Variants in IK observed in about 807,000 individuals in gnomAD.
IK encodes IK cytokine, also known as protein Red.
IK carries 47 observed loss-of-function variants against 90.9 expected under a neutral mutation model. The ratio of observed to expected loss-of-function variants is 0.52; its 90% CI spans 0.41 to 0.66. The LOEUF is 0.66. Among genes scored for constraint, IK ranks in the 30% least tolerant of loss-of-function variants. IK has a pLI of 0.00. For synonymous variants in IK, 201 were observed against 227.5 expected, an observed-to-expected ratio of 0.88 and a Z score of 1.05; for missense variants, 385 against 709.3, an observed-to-expected ratio of 0.54 and a Z score of 5.19.
chr5:140,662,365 T>C lies in IK; in HGVS notation c.*36T>C. Reference sequence around the variant, plus strand: ...CAACCAGAGATGCTCCACAAGGATATGCTCCCCACTGTTTTCTTTCTACAA... The same window carrying C: ...CAACCAGAGATGCTCCACAAGGATACGCTCCCCACTGTTTTCTTTCTACAA... On this transcript the variant is annotated 3_prime_UTR_variant, in exon 20 of 20. Coordinates refer to ENST00000417647, the MANE Select transcript of IK (RefSeq NM_006083.4). The C allele has an allele frequency of 1.2e-6, 2 of 1,607,276 alleles. No individual in the cohort carries two copies. The highest frequency in any genetic ancestry group is 2.2e-5 in the East Asian group (1 of 44,842).
intron 2 of IK, among the ~76,000 whole-genome samples, chr5:140,649,526 C>T (rs550690854): frequency 1.3e-5 from 2 of 150,746 alleles, no homozygotes; most frequent in Non-Finnish European, 3.0e-5. Context: ...CAGTCCTTTT[C>T]TTAGAAGTAA....
intron 9 of IK, 144 bp from the exon 10 acceptor site, chr5:140,657,410 C>T: frequency 5.2e-6 from 3 of 576,918 alleles, no homozygotes; most frequent in Non-Finnish European, 9.3e-6. Flanking sequence ...TGTTTTATCT[C>T]TGGAATATCC....
rs1757757672 is a variant in IK at position 140,659,052 on chromosome 5, A to T, written c.1064A>T (p.Asp355Val). 1.2e-6 allele frequency: 2 copies of T among 1,611,848 alleles called. No individual in the cohort carries two copies. Among genetic ancestry groups the T allele is most frequent in the Non-Finnish European group, 8.5e-7 (1 of 1,177,912 alleles). ...ERDRERDRDR[D>V]RERERERDRE... ...GATCGGGAAAGAGACAGAGACCGTG[A>T]CCGAGAGCGAGAGCGAGAACGAGAT... The change falls in exon 12 of 20, where the codon GAC becomes GTC. Residue 355 changes from aspartate to valine, a missense_variant. Around this residue, in one of 8 missense-constraint regions of IK, gnomAD observed 139 missense variants for 172.0 expected, o/e 0.81. Transcript: ENST00000417647.
In IK at chr5:140,661,232, CTG is replaced by C; in HGVS notation, c.1414-384_1414-383del. ...CTAATGCCACTAATAGTGAAGAAGT[CTG>C]TGTTCTTCCCCTGAGTTCACTGTAT... On this transcript the variant is annotated intron_variant, in intron 16 of 19. Coordinates refer to ENST00000417647, the MANE Select transcript of IK (RefSeq NM_006083.4). This position sits in a 1 kb window ranked among gnomAD's most constrained non-coding sequence, Gnocchi z 4.2. 3 of 249,968 alleles carry C rather than the reference CTG, an allele frequency of 1.2e-5. No individual in the cohort carries two copies. Among genetic ancestry groups the C allele is most frequent in the Non-Finnish European group, 7.6e-6 (1 of 131,584 alleles). 15.5% of individuals were successfully genotyped at this position (249,968 alleles called of 1,614,324 possible). A position where few individuals can be genotyped will look rare whatever the true frequency, so the allele number is the denominator to read the frequency against.
intron 18 of IK, 28 bp downstream of exon 18, chr5:140,662,035 G>T (rs1288765470): frequency 3.2e-6 from 5 of 1,578,906 alleles, no homozygotes; most frequent in African/African-American, 1.3e-5. Context: ...TTGGGTGGGA[G>T]GGTTTCAGCT....
Position 140,661,753 on chromosome 5 carries a change from G to A in IK, c.1502+45G>A. The A allele has an allele frequency of 6.7e-7, 1 of 1,482,206 alleles. No homozygotes were observed. Among genetic ancestry groups the A allele is most frequent in the Non-Finnish European group, 9.3e-7 (1 of 1,075,826 alleles). 91.8% of individuals were successfully genotyped at this position (1,482,206 alleles called of 1,614,324 possible). A position where few individuals can be genotyped will look rare whatever the true frequency, so the allele number is the denominator to read the frequency against. ...GGGCAGGGTGTGAGGAGGGGTGTGG[G>A]GATTTGGTGGAATAGTGCATATAAG... On this transcript the variant is annotated intron_variant, in intron 17 of 19. Transcript: ENST00000417647. This position sits in a 1 kb window ranked among gnomAD's most constrained non-coding sequence, Gnocchi z 4.2.
Position 140,661,133 on chromosome 5 carries a change from ATAAC to A in IK, c.1413+322_1413+325del. On this transcript the variant is annotated intron_variant, in intron 16 of 19. Transcript: ENST00000417647. This position sits in a 1 kb window ranked among gnomAD's most constrained non-coding sequence, Gnocchi z 4.2. Reference sequence around the variant, plus strand: ...CAGAAAAAATTGCAGTCTTTGGAAAATAACTAAATTTTATTCTAGCCAGGATTGA... The same window carrying A: ...CAGAAAAAATTGCAGTCTTTGGAAAATAAATTTTATTCTAGCCAGGATTGA... The A allele has an allele frequency of 5.9e-6, 2 of 336,958 alleles. No individual in the cohort carries two copies. Among genetic ancestry groups the A allele is most frequent in the Admixed American group, 9.2e-5 (2 of 21,844 alleles). 20.9% of individuals were successfully genotyped at this position (336,958 alleles called of 1,614,324 possible).
rs1223861848 is a variant in IK at position 140,661,562 on chromosome 5, A to C, written c.1414-58A>C. The C allele has an allele frequency of 2.5e-6, 3 of 1,216,520 alleles. No individual in the cohort carries two copies. The highest frequency in any genetic ancestry group is 2.5e-5 in the East Asian group (1 of 40,034). 75.4% of individuals were successfully genotyped at this position (1,216,520 alleles called of 1,614,324 possible). On this transcript the variant is annotated intron_variant, in intron 16 of 19. Transcript: ENST00000417647. The surrounding 1 kb of genome is among the most constrained non-coding windows in gnomAD (Gnocchi z 4.2). Reference sequence around the variant, plus strand: ...GAGTCTGGCTTCAATCAAGGGCTGAAATTCCATTTCCACTGACATCTCTTC... The same window carrying C: ...GAGTCTGGCTTCAATCAAGGGCTGACATTCCATTTCCACTGACATCTCTTC...
At position 140,661,446 on chromosome 5, in the gene IK, A is replaced by G; in HGVS notation, c.1414-174A>G. The stretch of plus-strand genomic sequence containing the variant: ...GTGAGATATGCATTTAGTGTACAGA[A>G]TAATGCCTGTCACATAGTAAGTATG... On this transcript the variant is annotated intron_variant, in intron 16 of 19. Transcript: ENST00000417647. The surrounding 1 kb of genome is among the most constrained non-coding windows in gnomAD (Gnocchi z 4.2). The G allele has an allele frequency of 1.7e-6, 1 of 604,614 alleles. No individual in the cohort carries two copies. Among genetic ancestry groups the G allele is most frequent in the Non-Finnish European group, 3.0e-6 (1 of 333,114 alleles). 37.5% of individuals were successfully genotyped at this position (604,614 alleles called of 1,614,324 possible).
chr5:140,648,379 T>A, intron 1 of IK, 92 bp from the exon 2 acceptor site: 1 of 1,097,180 alleles, frequency 9.1e-7, no homozygotes, highest in Non-Finnish European at 1.4e-6. Context: ...TTCTAACTTT[T>A]GTTCTGTATT....
At chr5:140,651,681 C>A in intron 2 of IK, 33 bp from the exon 3 acceptor site, 2 of 1,054,798 alleles carry the variant, frequency 1.9e-6, no homozygotes, top group South Asian at 1.3e-5. Context: ...CTTATTGAGT[C>A]CTAATATTTA....
Position 140,660,192 on chromosome 5 carries a change from C to G in IK, c.1352C>G (p.Ala451Gly). The G allele has an allele frequency of 1.9e-6, 3 of 1,610,164 alleles. No individual in the cohort carries two copies. Among genetic ancestry groups the G allele is most frequent in the Non-Finnish European group, 2.5e-6 (3 of 1,176,990 alleles). Residue 451 changes from alanine to glycine, a missense_variant, in exon 15 of 20, where the codon GCC (alanine) becomes GGC (glycine). Ala to Gly is a moderately conservative substitution (Grantham distance 60, BLOSUM62 0). Transcript: ENST00000417647. ...AACAGTTATGCAGAGTGCTACCCAGCCACGTATGTGAAACCTGGTTAAGGA... is the reference window on the plus strand; with the variant it reads ...AACAGTTATGCAGAGTGCTACCCAGGCACGTATGTGAAACCTGGTTAAGGA... Reference protein sequence around the residue: ...MSNSYAECYPATMDDMAVDSD... With the variant: ...MSNSYAECYPGTMDDMAVDSD...
At chr5:140,651,672 T>G (rs748161354) in intron 2 of IK, 42 bp from the exon 3 acceptor site, 1 of 962,748 alleles carries the variant, frequency 1.0e-6, no homozygotes, top group Non-Finnish European at 1.6e-6. Context: ...TTTTCATTTC[T>G]TATTGAGTCC....
At position 140,649,279 on chromosome 5, in the gene IK, G is replaced by A. The variant is rs1424448805; in HGVS notation, c.83+742G>A. Among the ~76,000 whole-genome samples the A allele has an allele frequency of 1.3e-5, 2 of 149,378 alleles. 1 individual carries two copies. Among genetic ancestry groups the A allele is most frequent in the Admixed American group, 1.3e-4 (2 of 14,928 alleles). On this transcript the variant is annotated intron_variant, in intron 2 of 19. Transcript: ENST00000417647. ...GCTGGAGTGCAGTGATGCAATCTTG[G>A]CTCACTGCAACCTCTGCCTCCTGAG...
At chr5:140,660,025 G>T in intron 14 of IK, 90 bp from the exon 15 acceptor site, 1 of 1,160,146 alleles carries the variant, frequency 8.6e-7, no homozygotes, top group Non-Finnish European at 1.3e-6. Context: ...GAATTTTCAT[G>T]TTGGGGCTTC....
Position 140,661,856 on chromosome 5 carries a change from C to G in IK, c.1503-43C>G, listed in dbSNP as rs746316347. Reference sequence around the variant, plus strand: ...GGACTCTGGGAAAACCTCGCCACTGCTATGCAATCTCTGATGCATTCTTTC... The same window carrying G: ...GGACTCTGGGAAAACCTCGCCACTGGTATGCAATCTCTGATGCATTCTTTC... On this transcript the variant is annotated intron_variant, in intron 17 of 19. Transcript: ENST00000417647. This position sits in a 1 kb window ranked among gnomAD's most constrained non-coding sequence, Gnocchi z 4.2. 1 of 1,531,762 alleles carries G rather than the reference C, an allele frequency of 6.5e-7. No homozygotes were observed. The highest frequency in any genetic ancestry group is 8.9e-7 in the Non-Finnish European group (1 of 1,121,486). The allele number at this position is 1,531,762 out of a possible 1,614,324, so 94.9% of individuals were successfully genotyped here.
chr5:140,655,810 G>A lies in IK; in HGVS notation c.638-19G>A. ...TTCTTGTAGATCCTGGCTACTTGCTGCTCTTCTCCTTATTGTAGGCCGCAA... is the reference window on the plus strand; with the variant it reads ...TTCTTGTAGATCCTGGCTACTTGCTACTCTTCTCCTTATTGTAGGCCGCAA... On this transcript the variant is annotated intron_variant, in intron 8 of 19. Coordinates refer to ENST00000417647, the MANE Select transcript of IK (RefSeq NM_006083.4). 6.2e-7 allele frequency: 1 copy of A among 1,606,354 alleles called. No homozygotes were observed. The highest frequency in any genetic ancestry group is 8.5e-7 in the Non-Finnish European group (1 of 1,176,170).
Position 140,661,892 on chromosome 5 carries a change from T to C in IK, c.1503-7T>C. The C allele has an allele frequency of 1.2e-6, 2 of 1,602,342 alleles. No individual in the cohort carries two copies. The highest frequency in any genetic ancestry group is 8.5e-7 in the Non-Finnish European group (1 of 1,174,216). On this transcript the variant is annotated splice_region_variant and splice_polypyrimidine_tract_variant and intron_variant, in intron 17 of 19. Coordinates refer to ENST00000417647, the MANE Select transcript of IK (RefSeq NM_006083.4). This position sits in a 1 kb window ranked among gnomAD's most constrained non-coding sequence, Gnocchi z 4.2. ...CTGATGCATTCTTTCCCAACTGCTT[T>C]TTTCAGGGCTGCATTCCAGTATGGT...
rs368684056 is a variant in IK at position 140,661,535 on chromosome 5, G to A, written c.1414-85G>A. The A allele has an allele frequency of 7.4e-4, 601 of 808,218 alleles. 7 individuals are homozygous for A. In the South Asian group the frequency reaches 9.3e-3, roughly 13 times the overall value. The allele number at this position is 808,218 out of a possible 1,614,324, so 50.1% of individuals were successfully genotyped here. A position where few individuals can be genotyped will look rare whatever the true frequency, so the allele number is the denominator to read the frequency against. On this transcript the variant is annotated intron_variant, in intron 16 of 19. Coordinates refer to ENST00000417647, the MANE Select transcript of IK (RefSeq NM_006083.4). This position sits in a 1 kb window ranked among gnomAD's most constrained non-coding sequence, Gnocchi z 4.2. ...TGAATTGTGGAACCTGGGATTATGG[G>A]AGAGTCTGGCTTCAATCAAGGGCTG...
Sources: allele counts gnomAD v4.1 joint callset (sites outside exome capture counted in the v4.1 genomes callset), GRCh38; gene constraint gnomAD v4.1.1; regional missense constraint gnomAD v4.1.1; non-coding constraint Gnocchi (gnomAD v3.1); transcripts MANE v1.5; gene names NCBI Gene and HGNC (gene_info 2026-07-23, HGNC 2026-07-21).